TENM2: variants seen among roughly 807,000 people sequenced by gnomAD.
TENM2 encodes teneurin-2.
In TENM2, 52 loss-of-function variants were observed where a neutral mutation model predicts 245.2. That is an observed-to-expected ratio of 0.21 (90% CI 0.17 to 0.27). The LOEUF is 0.27. TENM2 is among the 10% of genes least tolerant of loss of function. The pLI is 1.00. For missense variants in TENM2, 3,046 were observed against 3,666.8 expected (o/e 0.83, Z 4.37); for synonymous variants, 1,363 against 1,438.9 (o/e 0.95, Z 1.19).
chr5:167,344,331 G>T (rs13179415), intron 1 of TENM2, among the ~76,000 whole-genome samples: 44,692 of 102,264 alleles, frequency 0.44, 7,235 homozygotes, highest in Middle Eastern at 0.51. Context: ...TATATATATA[G>T]ATATATTGCA....
chr5:168,055,177 G>A (rs1204414116), intron 6 of TENM2, among the ~76,000 whole-genome samples: 2 of 152,086 alleles, frequency 1.3e-5, no homozygotes, highest in African/African-American at 2.4e-5. Flanking sequence ...TTCATAGGAC[G>A]CTGGACAACA....
the TENM2 span, among the ~76,000 whole-genome samples, chr5:167,184,470 T>C: frequency 6.6e-6 from 1 of 152,140 alleles, no homozygotes; most frequent in East Asian, 1.9e-4. Flanking sequence ...TGTTTTTTGT[T>C]GGGGGGTGGA....
intron 2 of TENM2, 57 bp from the exon 5 acceptor site, chr5:167,875,929 T>A: frequency 8.3e-7 from 1 of 1,202,870 alleles, no homozygotes; most frequent in South Asian, 1.3e-5. Context: ...GTAACTTTCT[T>A]GGGGTGCTCT....
chr5:166,979,200 G>GCAGCAGCAGCAGCACCAC, the TENM2 span, among the ~76,000 whole-genome samples: 1 of 61,402 alleles, frequency 1.6e-5, no homozygotes, highest in Non-Finnish European at 4.9e-5. Context: ...ACCACCAGCA[G>GCAGCAGCAGCAGCACCAC]CAGCAGCAGC....
chr5:168,006,112 G>T (rs1350855019), intron 5 of TENM2, among the ~76,000 whole-genome samples: 1 of 152,216 alleles, frequency 6.6e-6, no homozygotes, highest in Admixed American at 6.5e-5. Flanking sequence ...GATTAAGCCA[G>T]TTCTTATGTT....
At chr5:167,295,255 C>A (rs907095713) in intron 1 of TENM2, among the ~76,000 whole-genome samples, 1 of 152,208 alleles carries the variant, frequency 6.6e-6, no homozygotes, top group African/African-American at 2.4e-5. Flanking sequence ...TCAAATCTCA[C>A]ATTTTGAAAT....
chr5:167,507,347 C>T (rs368931814), intron 2 of TENM2, among the ~76,000 whole-genome samples: 6 of 152,198 alleles, frequency 3.9e-5, no homozygotes, highest in South Asian at 2.1e-4. Flanking sequence ...TAGGATTTCT[C>T]GTTCTTGGAT....
At chr5:167,526,299 T>A (rs1343059277) in intron 2 of TENM2, among the ~76,000 whole-genome samples, 1 of 151,616 alleles carries the variant, frequency 6.6e-6, no homozygotes, top group Admixed American at 6.6e-5. Flanking sequence ...TCTTAAGATG[T>A]GAATGCATAG....
intron 25 of TENM2, chr5:168,229,529 T>C (rs1764634574): frequency 8.5e-6 from 1 of 118,098 alleles, no homozygotes; most frequent in Non-Finnish European, 1.5e-5. Context: ...TAAAAACTAA[T>C]AAATAAAAAT....
intron 2 of TENM2, among the ~76,000 whole-genome samples, chr5:167,619,463 AG>A (rs914131609): frequency 6.6e-6 from 1 of 152,094 alleles, no homozygotes; most frequent in Non-Finnish European, 1.5e-5. Flanking sequence ...ATGGAATTAC[AG>A]GGCACATTAA....
At chr5:167,410,350 A>G (rs1183011906) in intron 2 of TENM2, among the ~76,000 whole-genome samples, 1 of 152,062 alleles carries the variant, frequency 6.6e-6, no homozygotes, top group Non-Finnish European at 1.5e-5. Context: ...GCTCAGAATC[A>G]TCTTGGAAAA....
At chr5:168,117,992 C>A (rs777781152) in intron 9 of TENM2, among the ~76,000 whole-genome samples, 1 of 152,218 alleles carries the variant, frequency 6.6e-6, no homozygotes, top group Non-Finnish European at 1.5e-5. Context: ...AAAATGGGGA[C>A]CATGACTGTA....
intron 5 of TENM2, among the ~76,000 whole-genome samples, chr5:168,015,967 G>A (rs1325234817): frequency 6.6e-6 from 1 of 152,164 alleles, no homozygotes; most frequent in Non-Finnish European, 1.5e-5. Flanking sequence ...TTGCACCGCT[G>A]GAGAGAAGCG....
chr5:167,597,500 G>A (rs989818760), intron 2 of TENM2, among the ~76,000 whole-genome samples: 5 of 152,042 alleles, frequency 3.3e-5, no homozygotes, highest in African/African-American at 4.8e-5. Context: ...TAACTTTCAC[G>A]AAGCTTTTGA....
intron 25 of TENM2, among the ~76,000 whole-genome samples, chr5:168,238,258 A>AGAAAG (rs1581730141): frequency 9.6e-5 from 14 of 145,684 alleles, no homozygotes; most frequent in African/African-American, 3.7e-4. Context: ...AGAAAAGAAA[A>AGAAAG]GAAAAGAAAA....
intron 1 of TENM2, among the ~76,000 whole-genome samples, chr5:167,339,700 C>G (rs896046678): frequency 1.7e-4 from 26 of 151,940 alleles, no homozygotes; most frequent in African/African-American, 6.0e-4. Context: ...GTGTTGAAAA[C>G]CTAATCTCCA....
At chr5:166,998,399 A>T in the TENM2 span, among the ~76,000 whole-genome samples, 4 of 152,196 alleles carry the variant, frequency 2.6e-5, no homozygotes, top group African/African-American at 9.6e-5. Context: ...AAACATGATC[A>T]TCTTCCCTCC....
intron 2 of TENM2, among the ~76,000 whole-genome samples, chr5:167,823,441 C>T (rs1347205455): frequency 6.6e-6 from 1 of 152,146 alleles, no homozygotes; most frequent in Admixed American, 6.5e-5. Flanking sequence ...AAACCCTTCC[C>T]CTCACCCCCC....
At chr5:167,162,676 A>G in the TENM2 span, among the ~76,000 whole-genome samples, 6 of 151,988 alleles carry the variant, frequency 3.9e-5, no homozygotes, top group South Asian at 1.2e-3. Context: ...AGGACTGGGG[A>G]AAAAAGGCTT....
Sources: allele counts gnomAD v4.1 joint callset (sites outside exome capture counted in the v4.1 genomes callset), GRCh38; gene constraint gnomAD v4.1.1; transcripts MANE v1.5; gene names NCBI Gene and HGNC (gene_info 2026-07-23, HGNC 2026-07-21).